FLT1: variants seen among roughly 807,000 people sequenced by gnomAD.
The protein encoded by FLT1 is vascular endothelial growth factor receptor 1.
In FLT1, 49 loss-of-function variants were observed where a neutral mutation model predicts 156.3. The ratio of observed to expected loss-of-function variants is 0.31; its 90% confidence interval spans 0.25 to 0.40. FLT1 has a LOEUF of 0.40. FLT1 is among the 10% of genes least tolerant of loss of function. The pLI, the probability that FLT1 is intolerant of heterozygous loss-of-function variation, is 1.00. For synonymous variants in FLT1, 594 were observed against 583.8 expected (o/e 1.02, Z -0.25); for missense variants, 1,322 against 1,637.2 (o/e 0.81, Z 3.32).
At chr13:28,493,976 C>T (rs1210577624) in intron 1 of FLT1, among the ~76,000 whole-genome samples, 5 of 152,254 alleles carry the variant, frequency 3.3e-5, no homozygotes, top group Non-Finnish European at 1.5e-5. Context: ...GGTATTTGGG[C>T]CCTGGGCTGC....
rs146247905 is a variant in FLT1, at chr13:28,303,227, C to A, written c.3957G>T (p.Ala1319=). 1 of 1,613,502 alleles carries A rather than the reference C, an allele frequency of 6.2e-7. No homozygotes were observed. Among genetic ancestry groups the A allele is most frequent in the African/African-American group, 1.3e-5 (1 of 74,838 alleles). Residue 1319 remains alanine, a synonymous_variant, in exon 30 of 30, where the codon GCG becomes GCT. Transcript: ENST00000282397. ...TGTAGTCTGGGGGCGGGGAGCAGCA[C>A]GCGATTTTCCTTTCCAGCTCAGCGT... is the stretch of plus-strand genomic sequence containing the variant. ...YDHAELERKI[A]CCSPPPDYNS...
chr13:28,366,556 G>A (rs1049535737), intron 14 of FLT1, among the ~76,000 whole-genome samples: 1 of 151,340 alleles, frequency 6.6e-6, no homozygotes, highest in Non-Finnish European at 1.5e-5. Flanking sequence ...TGCAACCTCC[G>A]CCTCCTGGGT....
At chr13:28,476,516 G>C (rs1408121205) in intron 1 of FLT1, among the ~76,000 whole-genome samples, 1 of 152,110 alleles carries the variant, frequency 6.6e-6, no homozygotes, top group Non-Finnish European at 1.5e-5. Context: ...ATTATATTTA[G>C]TTTGTAGAAA....
At chr13:28,398,833 GAGA>G (rs1875234200) in intron 11 of FLT1, among the ~76,000 whole-genome samples, 1 of 152,196 alleles carries the variant, frequency 6.6e-6, no homozygotes, top group Non-Finnish European at 1.5e-5. Flanking sequence ...TAAGGTGATA[GAGA>G]AGAATTTCCC....
intron 10 of FLT1, among the ~76,000 whole-genome samples, chr13:28,410,538 G>A (rs565073586): frequency 2.0e-5 from 3 of 152,198 alleles, no homozygotes; most frequent in Admixed American, 1.3e-4. Flanking sequence ...ATTCTAGAAG[G>A]TCTGCTCTAC....
chr13:28,318,515 T>C (rs986400937), intron 24 of FLT1, among the ~76,000 whole-genome samples: 7 of 152,196 alleles, frequency 4.6e-5, no homozygotes, highest in Non-Finnish European at 1.0e-4. Context: ...CATTTGTTTG[T>C]GTGCATTTTC....
rs61022115 is a variant in FLT1 at position 28,342,946 on chromosome 13, T to TTCTCTCTC, written c.2355+2491_2355+2498dup. On this transcript the variant is annotated intron_variant, in intron 16 of 29. Coordinates refer to ENST00000282397, the MANE Select transcript of FLT1 (RefSeq NM_002019.4). ...GAGGTACCATAATTTCTTTCTTTCTTTCTCTCTCTCTCTCTCTCTCTCTTT... is the reference window on the plus strand; with the variant it reads ...GAGGTACCATAATTTCTTTCTTTCTTTCTCTCTCTCTCTCTCTCTCTCTCTCTCTCTTT... Among the ~76,000 whole-genome samples, 1,233 of 143,070 alleles carry TTCTCTCTC rather than the reference T, an allele frequency of 8.6e-3. 17 individuals are homozygous for TTCTCTCTC. The highest frequency in any genetic ancestry group is 0.031 in the African/African-American group (1,158 of 37,216). 93.9% of individuals were successfully genotyped at this position (143,070 alleles called of 152,430 possible).
chr13:28,344,221 C>T (rs1378475439), intron 16 of FLT1, among the ~76,000 whole-genome samples: 2 of 152,092 alleles, frequency 1.3e-5, no homozygotes, highest in Non-Finnish European at 2.9e-5. Context: ...TTTCCCTTCC[C>T]ATTTCTTGGC....
intron 14 of FLT1, chr13:28,368,443 T>A: frequency 6.7e-6 from 10 of 1,481,930 alleles, no homozygotes; most frequent in Non-Finnish European, 8.9e-6. Flanking sequence ...TGAGCCACCA[T>A]GCCCGGCCAT....
intron 1 of FLT1, among the ~76,000 whole-genome samples, chr13:28,483,711 C>T (rs1260309448): frequency 2.6e-5 from 4 of 152,096 alleles, no homozygotes; most frequent in East Asian, 1.9e-4. Flanking sequence ...AAATGCTCCC[C>T]GTGTTGCTCA....
At chr13:28,450,198 C>T (rs1878855542) in intron 3 of FLT1, among the ~76,000 whole-genome samples, 1 of 152,194 alleles carries the variant, frequency 6.6e-6, no homozygotes, top group Non-Finnish European at 1.5e-5. Flanking sequence ...ACACACACCT[C>T]ACACACAAGA....
intron 8 of FLT1, among the ~76,000 whole-genome samples, 164 bp downstream of exon 8, chr13:28,429,886 C>G (rs1340713088): frequency 1.3e-5 from 2 of 152,182 alleles, no homozygotes; most frequent in Non-Finnish European, 2.9e-5. Context: ...TTTCCCCAGC[C>G]CTTCTCACCT....
At chr13:28,432,543 G>A (rs374000218) in intron 6 of FLT1, among the ~76,000 whole-genome samples, 23 of 152,210 alleles carry the variant, frequency 1.5e-4, no homozygotes, top group African/African-American at 3.1e-4. Context: ...GAATTGCTTC[G>A]CCCAGTACTG....
chr13:28,439,228 C>T lies in FLT1; in HGVS notation c.389-883G>A, dbSNP rs1878206123. Among the ~76,000 whole-genome samples the T allele has an allele frequency of 6.6e-6, 1 of 152,210 alleles. No individual in the cohort carries two copies. Among genetic ancestry groups the T allele is most frequent in the African/African-American group, 2.4e-5 (1 of 41,440 alleles). On this transcript the variant is annotated intron_variant, in intron 3 of 29. Coordinates refer to ENST00000282397, the MANE Select transcript of FLT1 (RefSeq NM_002019.4). The surrounding 1 kb of genome is among the most constrained non-coding windows in gnomAD (Gnocchi z 4.1). ...GCCCTTGCCCTCGGGAATCTATTGA[C>T]ATCCTCAGGCAACGATCTCTTCGGG... is the stretch of plus-strand genomic sequence containing the variant.
intron 6 of FLT1, 96 bp from the exon 7 acceptor site, chr13:28,431,406 C>A: frequency 1.1e-6 from 1 of 872,808 alleles, no homozygotes; most frequent in Admixed American, 2.0e-5. Flanking sequence ...AGTTCGACAA[C>A]AGCTTCTGTT....
chr13:28,343,683 C>A (rs533865624), intron 16 of FLT1, among the ~76,000 whole-genome samples: 6 of 151,112 alleles, frequency 4.0e-5, no homozygotes, highest in South Asian at 2.1e-4. Flanking sequence ...CGCTTTGTAG[C>A]CCAGGCTGGA....
Position 28,300,525 on chromosome 13 carries a change from A to ACCCACACC in FLT1, c.*2641_*2642insGGTGTGGG, listed in dbSNP as rs1555297481. ...ATGCACAAAACACACATACACCCAC[A>ACCCACACC]CACACACACACACACACACACACAC... On this transcript the variant is annotated 3_prime_UTR_variant, in exon 30 of 30. Transcript: ENST00000282397. 9.3e-5 allele frequency: 2 copies of ACCCACACC among 21,528 alleles called. No homozygotes were observed. Among genetic ancestry groups the ACCCACACC allele is most frequent in the African/African-American group, 1.3e-4 (2 of 15,958 alleles). The allele number at this position is 21,528 out of a possible 1,614,324, so 1.3% of individuals were successfully genotyped here.
chr13:28,369,526 A>G (rs752287950), intron 14 of FLT1, among the ~76,000 whole-genome samples: 3 of 152,210 alleles, frequency 2.0e-5, no homozygotes, highest in Non-Finnish European at 4.4e-5. Flanking sequence ...CTCCATCTCC[A>G]AAAAAGAAAA....
chr13:28,396,313 A>T (rs992969329), intron 12 of FLT1, among the ~76,000 whole-genome samples: 9 of 152,188 alleles, frequency 5.9e-5, no homozygotes, highest in African/African-American at 1.9e-4. Flanking sequence ...GGGAGTGTGG[A>T]GCCAGGCAAT....
Sources: allele counts gnomAD v4.1 joint callset (sites outside exome capture counted in the v4.1 genomes callset), GRCh38; gene constraint gnomAD v4.1.1; non-coding constraint Gnocchi (gnomAD v3.1); transcripts MANE v1.5; gene names NCBI Gene and HGNC (gene_info 2026-07-23, HGNC 2026-07-21).